Variants in MIA2 observed in about 807,000 individuals in gnomAD.
MIA2 encodes MIA SH3 domain ER export factor 2, also known as melanoma inhibitory activity protein 2.
MIA2 carries 127 observed loss-of-function variants against 167.8 expected under a neutral mutation model. The ratio of observed to expected loss-of-function variants is 0.76; its 90% CI spans 0.66 to 0.88. MIA2 has a LOEUF of 0.88. MIA2 is among the 40% of genes least tolerant of loss of function. The probability of loss-of-function intolerance (pLI) is 0.00; values close to 1 mark genes in which losing one functional copy is unlikely to be tolerated. For missense variants in MIA2, 1,690 were observed against 1,624.7 expected (o/e 1.04, Z -0.69); for synonymous variants, 552 against 541.9 (o/e 1.02, Z -0.26).
At chr14:39,325,800 A>T (rs769178769) in intron 24 of MIA2, among the ~76,000 whole-genome samples, 98 of 134,596 alleles carry the variant, frequency 7.3e-4, no homozygotes, top group Middle Eastern at 0.011. Context: ...TGCAACCTCC[A>T]CCTCCTGAGT....
intron 25 of MIA2, among the ~76,000 whole-genome samples, chr14:39,340,070 T>G (rs1292272524): frequency 6.6e-6 from 1 of 152,182 alleles, no homozygotes; most frequent in Admixed American, 6.5e-5. Context: ...TTCGAAATCC[T>G]TGGCTCAAGC....
rs923748403 is a variant in MIA2 at position 39,295,076 on chromosome 14, G to A, written c.2496+47G>A. 2.3e-6 allele frequency: 3 copies of A among 1,290,984 alleles called. No individual in the cohort carries two copies. The African/African-American group carries it at 4.4e-5, about 19-fold the overall frequency. The allele number at this position is 1,290,984 out of a possible 1,614,324, so 80.0% of individuals were successfully genotyped here. ...TTCAACTTGTGAATATGTAATTATA[G>A]ATGTTCTTGTCATCCTCATGACTGA... On this transcript the variant is annotated intron_variant, in intron 13 of 28. Coordinates refer to ENST00000640607, the MANE Select transcript of MIA2 (RefSeq NM_001329214.4).
Position 39,288,457 on chromosome 14 carries a change from A to ATTTTTT in MIA2, c.2131-2561_2131-2560insTTTTTT, listed in dbSNP as rs1566747630. Among the ~76,000 whole-genome samples the ATTTTTT allele has an allele frequency of 1.0e-3, 17 of 16,586 alleles. 3 individuals carry two copies. Among genetic ancestry groups the ATTTTTT allele is most frequent in the Non-Finnish European group, 1.9e-3 (13 of 6,766 alleles). The allele number at this position is 16,586 out of a possible 152,430, so 10.9% of individuals were successfully genotyped here. On this transcript the variant is annotated intron_variant, in intron 9 of 28. Transcript: ENST00000640607. ...CATATATATATATATATATATATAT[A>ATTTTTT]TATATATATATATATATATTTTTTT...
At chr14:39,262,160 T>C (rs896775041) in intron 6 of MIA2, among the ~76,000 whole-genome samples, 7 of 152,344 alleles carry the variant, frequency 4.6e-5, no homozygotes, top group Middle Eastern at 3.4e-3. Context: ...CTTGAATTAA[T>C]TTTTGTATAA....
chr14:39,246,119 CAG>C (rs1206155558), intron 3 of MIA2, among the ~76,000 whole-genome samples: 3 of 46,636 alleles, frequency 6.4e-5, no homozygotes, highest in Admixed American at 4.0e-4. Flanking sequence ...TATTTTGAGA[CAG>C]AGTCTCACTC....
At chr14:39,308,642 A>C (rs1450428347) in intron 18 of MIA2, 55 bp downstream of exon 18, 1 of 1,298,052 alleles carries the variant, frequency 7.7e-7, no homozygotes, top group African/African-American at 1.6e-5. Context: ...CTTTAGAGAT[A>C]TATGTTACAT....
At chr14:39,290,885 T>G in intron 9 of MIA2, 134 bp from the exon 10 acceptor site, 2 of 828,378 alleles carry the variant, frequency 2.4e-6, no homozygotes, top group South Asian at 3.5e-5. Flanking sequence ...TTTAAAAAAC[T>G]TAAAGCTAAG....
Position 39,248,004 on chromosome 14 carries a change from C to A in MIA2, c.1430C>A (p.Thr477Lys). The change falls in exon 4 of 29, where the codon ACA becomes AAA. Residue 477 changes from threonine (T) to lysine (K), a missense_variant. Transcript: ENST00000640607. ...PWNFQNIPKETELPFPKQILD... is the reference protein window; with the variant it reads ...PWNFQNIPKEKELPFPKQILD... ...AACTTCCAGAACATTCCAAAGGAAA[C>A]AGAATTGCCATTTCCCAAACAGATA... The A allele has an allele frequency of 6.3e-7, 1 of 1,575,806 alleles. No homozygotes were observed. The highest frequency in any genetic ancestry group is 1.2e-5 in the South Asian group (1 of 83,188).
Position 39,277,713 on chromosome 14 carries a change from TA to T in MIA2, c.2019+649del, listed in dbSNP as rs2058287027. Among the ~76,000 whole-genome samples, 12 of 5,458 alleles carry T rather than the reference TA, an allele frequency of 2.2e-3. 3 individuals carry two copies. The highest frequency in any genetic ancestry group is 0.01 in the African/African-American group (11 of 1,052). The allele number at this position is 5,458 out of a possible 152,430, so 3.6% of individuals were successfully genotyped here. A position where few individuals can be genotyped will look rare whatever the true frequency, so the allele number is the denominator to read the frequency against. On this transcript the variant is annotated intron_variant, in intron 7 of 28. Coordinates refer to ENST00000640607, the MANE Select transcript of MIA2 (RefSeq NM_001329214.4). ...GTGTGTATATATATATATATATATA[TA>T]TGTGTGTATATATATATATATATAT...
chr14:39,386,487 C>G, intron 23 of MIA2: 1 of 1,487,144 alleles, frequency 6.7e-7, no homozygotes, highest in Non-Finnish European at 9.3e-7. Context: ...GCCTGTACTT[C>G]AGGAGACTTG....
chr14:39,298,547 T>TTTTG lies in MIA2; in HGVS notation c.2497-1314_2497-1313insGTTT, dbSNP rs1269204156. Among the ~76,000 whole-genome samples the TTTTG allele has an allele frequency of 2.8e-5, 4 of 140,808 alleles. 1 individual carries two copies. The highest frequency in any genetic ancestry group is 3.1e-5 in the Non-Finnish European group (2 of 64,368). The allele number at this position is 140,808 out of a possible 152,430, so 92.4% of individuals were successfully genotyped here. A position where few individuals can be genotyped will look rare whatever the true frequency, so the allele number is the denominator to read the frequency against. Reference sequence around the variant, plus strand: ...AGAACAGAGTTTTTTTTTTTTTTTTTTTTTTTTGTGAGCAACATGGCTGTT... The same window carrying TTTTG: ...AGAACAGAGTTTTTTTTTTTTTTTTTTTTGTTTTTTTGTGAGCAACATGGCTGTT... On this transcript the variant is annotated intron_variant, in intron 13 of 28. Coordinates refer to ENST00000640607, the MANE Select transcript of MIA2 (RefSeq NM_001329214.4).
downstream of MIA2, among the ~76,000 whole-genome samples, chr14:39,356,083 G>A (rs1439629487): frequency 1.3e-5 from 2 of 152,178 alleles, no homozygotes; most frequent in Admixed American, 6.5e-5. Context: ...GAGTTAGGGA[G>A]GATTCCCTCT....
chr14:39,294,517 C>T (rs536548023), intron 12 of MIA2, among the ~76,000 whole-genome samples: 73 of 148,062 alleles, frequency 4.9e-4, no homozygotes, highest in African/African-American at 1.4e-3. Flanking sequence ...TTTTTTTTTA[C>T]GTGAAGTGCT....
intron 23 of MIA2, among the ~76,000 whole-genome samples, chr14:39,369,886 G>T (rs193229957): frequency 2.0e-5 from 3 of 151,988 alleles, no homozygotes; most frequent in Admixed American, 6.5e-5. Context: ...ACAACACCCC[G>T]TTTATTAGTT....
chr14:39,258,687 C>A (rs551209641), intron 6 of MIA2, among the ~76,000 whole-genome samples: 1 of 152,182 alleles, frequency 6.6e-6, no homozygotes, highest in Non-Finnish European at 1.5e-5. Context: ...GAATTTTCAG[C>A]GTTTTTGTGC....
rs902832283 is a variant in MIA2 at position 39,319,076 on chromosome 14, T to C, written c.3285-133T>C. The C allele has an allele frequency of 6.7e-6, 3 of 450,238 alleles. No individual in the cohort carries two copies. In the Admixed American group the frequency reaches 1.1e-4, roughly 17 times the overall value. The allele number at this position is 450,238 out of a possible 1,614,324, so 27.9% of individuals were successfully genotyped here. On this transcript the variant is annotated intron_variant, in intron 22 of 28. Coordinates refer to ENST00000640607, the MANE Select transcript of MIA2 (RefSeq NM_001329214.4). ...GGAGATAAAGGTGTTTTGGTCAGAA[T>C]AATTTTAGAGGATCTGTTTGTTCTG...
intron 6 of MIA2, among the ~76,000 whole-genome samples, chr14:39,253,886 T>C (rs2054697658): frequency 6.6e-6 from 1 of 152,246 alleles, no homozygotes; most frequent in South Asian, 2.1e-4. Flanking sequence ...TTTACAAATG[T>C]TCCTTTTCTC....
chr14:39,354,192 G>C (rs547572483), downstream of MIA2, among the ~76,000 whole-genome samples: 3 of 152,320 alleles, frequency 2.0e-5, no homozygotes, highest in Admixed American at 2.0e-4. Context: ...CAGTGTAAAA[G>C]TGTTCCTGTT....
At chr14:39,277,107 A>T (rs1380549606) in intron 7 of MIA2, 42 bp downstream of exon 7, 1 of 1,565,116 alleles carries the variant, frequency 6.4e-7, no homozygotes, top group African/African-American at 1.4e-5. Context: ...TCATTTTGTC[A>T]CTGGGCTGAA....
Sources: allele counts gnomAD v4.1 joint callset (sites outside exome capture counted in the v4.1 genomes callset), GRCh38; gene constraint gnomAD v4.1.1; transcripts MANE v1.5; gene names NCBI Gene and HGNC (gene_info 2026-07-23, HGNC 2026-07-21).